Variants in SDK1 observed in about 807,000 individuals in gnomAD.
SDK1 encodes protein sidekick-1.
A neutral mutation model predicts 245.5 loss-of-function variants in SDK1; 157 were observed. That is an observed-to-expected ratio of 0.64 (90% CI 0.56 to 0.73). The LOEUF (loss-of-function observed/expected upper bound fraction) is 0.73. Among genes scored for constraint, SDK1 ranks in the 30% least tolerant of loss-of-function variants. The pLI is 0.00. For missense variants in SDK1, 3,583 were observed against 3,002.3 expected (o/e 1.19, Z -4.52); for synonymous variants, 1,647 against 1,278.5 (o/e 1.29, Z -6.15).
At chr7:3,689,699 G>C (rs116787442) in intron 4 of SDK1, among the ~76,000 whole-genome samples, 1 of 152,144 alleles carries the variant, frequency 6.6e-6, no homozygotes, top group Non-Finnish European at 1.5e-5. Flanking sequence ...TAGTAATGAG[G>C]ATTAGGTTAG....
At chr7:3,524,195 G>A (rs927226214) in intron 1 of SDK1, among the ~76,000 whole-genome samples, 1 of 152,206 alleles carries the variant, frequency 6.6e-6, no homozygotes, top group Non-Finnish European at 1.5e-5. Context: ...TGAGGTATGA[G>A]AGGTGAGGTC....
At chr7:3,937,433 C>T (rs1184701351) in intron 5 of SDK1, among the ~76,000 whole-genome samples, 7 of 152,218 alleles carry the variant, frequency 4.6e-5, no homozygotes, top group Non-Finnish European at 8.8e-5. Flanking sequence ...ACCACCCAGC[C>T]TGCAGAGGCG....
intron 1 of SDK1, among the ~76,000 whole-genome samples, chr7:3,533,249 C>T (rs1051714147): frequency 6.6e-6 from 1 of 152,058 alleles, no homozygotes; most frequent in East Asian, 1.9e-4. Flanking sequence ...CTATTTCCAA[C>T]ATGTGGTGAT....
At chr7:3,628,460 C>CTTCT (rs1237085281) in intron 2 of SDK1, among the ~76,000 whole-genome samples, 2 of 152,118 alleles carry the variant, frequency 1.3e-5, no homozygotes, top group Admixed American at 6.6e-5. Context: ...ATGTAGTTCC[C>CTTCT]TTCTGCAGAA....
At chr7:3,630,201 T>C (rs1782248061) in intron 2 of SDK1, among the ~76,000 whole-genome samples, 1 of 152,094 alleles carries the variant, frequency 6.6e-6, no homozygotes, top group African/African-American at 2.4e-5. Flanking sequence ...AGAGGAAAAA[T>C]ATTTGAAGAA....
chr7:3,984,360 T>C (rs556240697), intron 13 of SDK1, among the ~76,000 whole-genome samples: 1 of 152,314 alleles, frequency 6.6e-6, no homozygotes, highest in South Asian at 2.1e-4. Flanking sequence ...GGGTTGTTTC[T>C]GTGTGCACTC....
At chr7:3,797,458 T>TACACACAC (rs34376723) in intron 4 of SDK1, among the ~76,000 whole-genome samples, 12 of 147,494 alleles carry the variant, frequency 8.1e-5, no homozygotes, top group East Asian at 4.0e-4. Context: ...GGGGTGTGTA[T>TACACACAC]ACACACACAC....
intron 1 of SDK1, among the ~76,000 whole-genome samples, chr7:3,442,734 T>C (rs1232674770): frequency 6.6e-6 from 1 of 152,236 alleles, no homozygotes; most frequent in Non-Finnish European, 1.5e-5. Flanking sequence ...TGTTTTGTTT[T>C]TAGCATATTT....
At chr7:3,764,721 C>G (rs1443463488) in intron 4 of SDK1, among the ~76,000 whole-genome samples, 1 of 151,900 alleles carries the variant, frequency 6.6e-6, no homozygotes, top group South Asian at 2.1e-4. Flanking sequence ...TCATCCTAAA[C>G]ATACAATTTA....
At chr7:4,187,290 A>G (rs1046541925) in intron 35 of SDK1, among the ~76,000 whole-genome samples, 1 of 152,228 alleles carries the variant, frequency 6.6e-6, no homozygotes, top group East Asian at 1.9e-4. Context: ...CATTTGCACA[A>G]GACTATGGGT....
chr7:3,707,921 CCCTTA>C (rs1359415837), intron 4 of SDK1, among the ~76,000 whole-genome samples: 2 of 152,078 alleles, frequency 1.3e-5, no homozygotes, highest in African/African-American at 2.4e-5. Context: ...TTTTTCCATC[CCCTTA>C]CCTTGAGTTT....
chr7:3,704,219 T>A (rs1311399439), intron 4 of SDK1, among the ~76,000 whole-genome samples: 1 of 152,154 alleles, frequency 6.6e-6, no homozygotes, highest in Non-Finnish European at 1.5e-5. Context: ...AAAGACGTTA[T>A]TTTGTTCTTT....
intron 8 of SDK1, among the ~76,000 whole-genome samples, chr7:3,959,944 G>A (rs189852645): frequency 1.4e-4 from 21 of 152,262 alleles, no homozygotes; most frequent in South Asian, 8.3e-4. Flanking sequence ...TTCTAGCAGA[G>A]ACAGGCTTGT....
intron 4 of SDK1, among the ~76,000 whole-genome samples, chr7:3,709,066 A>T (rs1160811572): frequency 6.6e-6 from 1 of 152,206 alleles, no homozygotes. Context: ...AAGTTCTATT[A>T]TGGTGCATAA....
At chr7:3,938,645 C>CAAAAAAAAAAAAAAAAAAAAAAAAAAAA (rs559065786) in intron 5 of SDK1, among the ~76,000 whole-genome samples, 4 of 90,594 alleles carry the variant, frequency 4.4e-5, no homozygotes, top group African/African-American at 2.1e-4. Context: ...GACTCCGTCT[C>CAAAAAAAAAAAAAAAAAAAAAAAAAAAA]AAAAAAAAAA....
At chr7:3,669,733 C>A (rs1404850092) in intron 4 of SDK1, among the ~76,000 whole-genome samples, 2 of 152,194 alleles carry the variant, frequency 1.3e-5, no homozygotes, top group African/African-American at 2.4e-5. Context: ...AGATGACTCA[C>A]AATTTTACAT....
chr7:3,745,420 A>C (rs1208344590), intron 4 of SDK1, among the ~76,000 whole-genome samples: 1 of 152,220 alleles, frequency 6.6e-6, no homozygotes, highest in South Asian at 2.1e-4. Flanking sequence ...CCAGTGGTGA[A>C]ATGTTGCATA....
intron 19 of SDK1, among the ~76,000 whole-genome samples, chr7:4,052,403 C>T (rs911967370): frequency 6.6e-6 from 1 of 151,790 alleles, no homozygotes; most frequent in Non-Finnish European, 1.5e-5. Context: ...CAAGGCGGCT[C>T]GTTACAGTTA....
intron 39 of SDK1, 58 bp from the exon 40 acceptor site, chr7:4,221,181 T>C: frequency 6.3e-7 from 1 of 1,598,384 alleles, no homozygotes; most frequent in South Asian, 1.1e-5. Flanking sequence ...TCTCACGGGG[T>C]GGGATGTGAG....
Sources: gnomAD v4.1 joint callset for allele counts (sites outside exome capture counted in the v4.1 genomes callset) on GRCh38, gnomAD v4.1.1 for gene constraint, MANE v1.5 for transcripts, NCBI Gene and HGNC (gene_info 2026-07-23, HGNC 2026-07-21) for gene names.